CCDC157: variants seen among roughly 807,000 people sequenced by gnomAD.
CCDC157 encodes the protein coiled-coil domain containing 157, also known as coiled-coil domain-containing protein 157.
CCDC157 carries 60 observed loss-of-function variants against 70.9 expected under a neutral mutation model. The ratio of observed to expected loss-of-function variants is 0.85; its 90% confidence interval spans 0.69 to 1.05. The LOEUF (loss-of-function observed/expected upper bound fraction) is 1.05. Among genes scored for constraint, CCDC157 ranks in the 50% least tolerant of loss-of-function variants. The pLI, the probability that CCDC157 is intolerant of heterozygous loss-of-function variation, is 0.00. For missense variants in CCDC157, 943 were observed against 984.2 expected (o/e 0.96, Z 0.56); for synonymous variants, 373 against 422.4 (o/e 0.88, Z 1.43).
intron 2 of CCDC157, among the ~76,000 whole-genome samples, chr22:30,364,676 A>G (rs1255548356): frequency 6.6e-6 from 1 of 150,616 alleles, no homozygotes; most frequent in Non-Finnish European, 1.5e-5. Flanking sequence ...GGTGGCGGGC[A>G]CCTGTAATCC....
Position 30,372,245 on chromosome 22 carries a change from AAGG to A in CCDC157, c.1297_1299del (p.Glu433del), listed in dbSNP as rs199913583. ...CTGCTGGGCCAGCACGGAGCTGGAT[AAGG>A]AGAAGGCCCGTGTCGACAGCATGGT... is the stretch of plus-strand genomic sequence containing the variant. On this transcript the variant is annotated inframe_deletion, in exon 7 of 12. Coordinates refer to ENST00000338306, the MANE Select transcript of CCDC157 (RefSeq NM_001017437.5). The A allele has an allele frequency of 2.2e-3, 3,596 of 1,598,668 alleles. 96 individuals carry two copies. In the African/African-American group the frequency reaches 0.044, roughly 20 times the overall value.
At chr22:30,364,588 C>T (rs1260560993) in intron 2 of CCDC157, among the ~76,000 whole-genome samples, 1 of 152,102 alleles carries the variant, frequency 6.6e-6, no homozygotes, top group Non-Finnish European at 1.5e-5. Context: ...GTGGATGGAT[C>T]ACTTGAGGTC....
Position 30,374,083 on chromosome 22 carries a change from A to G in CCDC157, c.1664A>G (p.Gln555Arg), listed in dbSNP as rs753090543. The G allele has an allele frequency of 3.1e-6, 5 of 1,596,684 alleles. No individual in the cohort carries two copies. The African/African-American group carries it at 5.4e-5, about 17-fold the overall frequency. Residue 555 changes from glutamine to arginine, a missense_variant, in exon 9 of 12, where the codon CAG becomes CGG. Coordinates refer to ENST00000338306, the MANE Select transcript of CCDC157 (RefSeq NM_001017437.5). ...FPDLHRPTETQIHGGRSSSVE... is the reference protein window; with the variant it reads ...FPDLHRPTETRIHGGRSSSVE... Reference sequence around the variant, plus strand: ...GACCTGCACAGGCCCACCGAGACCCAGATCCATGGTAGGGGACTGGGGATG... The same window carrying G: ...GACCTGCACAGGCCCACCGAGACCCGGATCCATGGTAGGGGACTGGGGATG...
rs1325696841 is a variant in CCDC157 at position 30,376,434 on chromosome 22, C to T, written c.1948C>T (p.Pro650Ser). The T allele has an allele frequency of 9.3e-6, 15 of 1,613,896 alleles. No individual in the cohort carries two copies. Among genetic ancestry groups the T allele is most frequent in the Non-Finnish European group, 1.3e-5 (15 of 1,179,944 alleles). The change falls in exon 12 of 12, where the codon CCT (proline) becomes TCT (serine). Residue 650 changes from proline to serine, a missense_variant and splice_region_variant. By Grantham distance (74) the Pro-to-Ser change is moderately conservative. Coordinates refer to ENST00000338306, the MANE Select transcript of CCDC157 (RefSeq NM_001017437.5). ...PVQAKSTSPG[P>S]LGRQHLPSSR... ...ATCTTGGATCTGGTTTTCCTTCAGGCCTCTGGGCAGACAGCACCTTCCTAG... is the reference window on the plus strand; with the variant it reads ...ATCTTGGATCTGGTTTTCCTTCAGGTCTCTGGGCAGACAGCACCTTCCTAG...
At position 30,376,239 on chromosome 22, in the gene CCDC157, CT is replaced by C. The variant is rs35246021; in HGVS notation, c.1858-5del. The C allele has an allele frequency of 0.15, 192,501 of 1,300,140 alleles. No individual in the cohort carries two copies. The highest frequency in any genetic ancestry group is 0.22 in the South Asian group (15,075 of 68,488). The allele number at this position is 1,300,140 out of a possible 1,614,324, so 80.5% of individuals were successfully genotyped here. A position where few individuals can be genotyped will look rare whatever the true frequency, so the allele number is the denominator to read the frequency against. Reference sequence around the variant, plus strand: ...GACTCCTGGGCCCTTATAAGACTGGCTTTTTTTTTTTTTTTGTAGCTGATCC... The same window carrying C: ...GACTCCTGGGCCCTTATAAGACTGGCTTTTTTTTTTTTTTGTAGCTGATCC... On this transcript the variant is annotated intron_variant, in intron 10 of 11. Coordinates refer to ENST00000338306, the MANE Select transcript of CCDC157 (RefSeq NM_001017437.5).
rs147562085 is a variant in CCDC157, at chr22:30,366,223, G to A, written c.223G>A (p.Val75Met). The A allele has an allele frequency of 1.3e-4, 205 of 1,613,684 alleles. No individual in the cohort carries two copies. The highest frequency in any genetic ancestry group is 1.2e-3 in the South Asian group (111 of 91,086). Residue 75 changes from valine (V) to methionine (M), a missense_variant, in exon 3 of 12, where the codon GTG becomes ATG. Physicochemically the swap from Val to Met is conservative, Grantham distance 21 (BLOSUM62 1). Transcript: ENST00000338306. ...DPEFTQLSHA[V>M]LLELVIDRLL... is the part of the protein sequence containing the mutation. ...CGAGTTCACGCAGCTGTCCCATGCCGTGCTGCTGGAGCTGGTCATCGACAG... is the reference window on the plus strand; with the variant it reads ...CGAGTTCACGCAGCTGTCCCATGCCATGCTGCTGGAGCTGGTCATCGACAG...
At chr22:30,375,363 C>G in intron 9 of CCDC157, 116 bp from the exon 10 acceptor site, 1 of 929,516 alleles carries the variant, frequency 1.1e-6, no homozygotes, top group Non-Finnish European at 1.7e-6. Context: ...AATAAGGCCT[C>G]GGGAGAAGGA....
chr22:30,365,426 A>G (rs2145884456), intron 2 of CCDC157, among the ~76,000 whole-genome samples: 1 of 152,220 alleles, frequency 6.6e-6, no homozygotes, highest in South Asian at 2.1e-4. Context: ...TTTCTTCCAC[A>G]GGCCACAGGG....
chr22:30,376,580 T>TCGGCAGCC lies in CCDC157; in HGVS notation c.2096_2103dup (p.Cys702GlyfsTer15), dbSNP rs1165972075. 1 of 1,610,794 alleles carries TCGGCAGCC rather than the reference T, an allele frequency of 6.2e-7. No individual in the cohort carries two copies. Among genetic ancestry groups the TCGGCAGCC allele is most frequent in the African/African-American group, 1.4e-5 (1 of 73,528 alleles). On this transcript the variant is annotated frameshift_variant, in exon 12 of 12. Transcript: ENST00000338306. LOFTEE classifies it low-confidence loss of function (END_TRUNC). ...CTCGGCAGCCCTGCACATCCCCATCTCGGCAGCCCTGCAGCCAGCCCAGCA... is the reference window on the plus strand; with the variant it reads ...CTCGGCAGCCCTGCACATCCCCATCTCGGCAGCCCGGCAGCCCTGCAGCCAGCCCAGCA...
rs1274228896 is a variant in CCDC157, at chr22:30,377,243, CAA to C, written c.*499_*500del. ...ACCTGCGCTGGGCACATTAAGGACC[CAA>C]GAGGTCAGGCCTCCTTTCACTGAGG... On this transcript the variant is annotated 3_prime_UTR_variant, in exon 12 of 12. Coordinates refer to ENST00000338306, the MANE Select transcript of CCDC157 (RefSeq NM_001017437.5). 1 of 163,808 alleles carries C rather than the reference CAA, an allele frequency of 6.1e-6. No homozygotes were observed. Among genetic ancestry groups the C allele is most frequent in the Non-Finnish European group, 1.3e-5 (1 of 74,204 alleles). 10.1% of individuals were successfully genotyped at this position (163,808 alleles called of 1,614,324 possible).
chr22:30,365,876 G>A (rs534923979), intron 2 of CCDC157, 114 bp from the exon 3 acceptor site: 4 of 1,042,298 alleles, frequency 3.8e-6, no homozygotes, highest in East Asian at 2.6e-5. Flanking sequence ...TCTCCCCAGG[G>A]TCTGGGGTGA....
At chr22:30,360,008 G>C (rs577098562) in intron 1 of CCDC157, among the ~76,000 whole-genome samples, 1 of 152,150 alleles carries the variant, frequency 6.6e-6, no homozygotes, top group Non-Finnish European at 1.5e-5. Context: ...AGCCAGGTGC[G>C]GTGGCACCCA....
intron 9 of CCDC157, chr22:30,375,069 C>G: frequency 3.3e-6 from 1 of 305,990 alleles, no homozygotes; most frequent in Non-Finnish European, 6.3e-6. Flanking sequence ...AGTGATTCTC[C>G]TGCCTCAGCC....
At chr22:30,371,037 C>T in intron 5 of CCDC157, 87 bp downstream of exon 5, 1 of 1,463,848 alleles carries the variant, frequency 6.8e-7, no homozygotes, top group Non-Finnish European at 9.1e-7. Flanking sequence ...GCTTCCAGGG[C>T]AAGTGGTTTG....
chr22:30,357,668 ATTTT>A (rs71198545), intron 1 of CCDC157, among the ~76,000 whole-genome samples: 38 of 131,370 alleles, frequency 2.9e-4, no homozygotes, highest in African/African-American at 9.8e-4. Flanking sequence ...CACCCGGCTA[ATTTT>A]TTTTTTTTTT....
At position 30,376,736 on chromosome 22, in the gene CCDC157, G is replaced by A. The variant is rs1601753595; in HGVS notation, c.2250G>A (p.Arg750=). Residue 750 remains arginine (R), a synonymous_variant, in exon 12 of 12, where the codon CGG becomes CGA. Transcript: ENST00000338306. Reference sequence around the variant, plus strand: ...GCTCTGCACACCAGCCCCAGGAGCGGCCCATGTAGCCTGTGGCCCAGGGCT... The same window carrying A: ...GCTCTGCACACCAGCCCCAGGAGCGACCCATGTAGCCTGTGGCCCAGGGCT... ...QASSAHQPQE[R]PM The A allele has an allele frequency of 6.2e-7, 1 of 1,610,652 alleles. No homozygotes were observed. The highest frequency in any genetic ancestry group is 2.2e-5 in the East Asian group (1 of 44,810).
At position 30,375,365 on chromosome 22, in the gene CCDC157, G is replaced by A. The variant is rs949417320; in HGVS notation, c.1673-114G>A. On this transcript the variant is annotated intron_variant, in intron 9 of 11. Coordinates refer to ENST00000338306, the MANE Select transcript of CCDC157 (RefSeq NM_001017437.5). ...ACAGGGAAGGGGGAATAAGGCCTCG[G>A]GAGAAGGAAGATGAGCTAGGAGGCC... The A allele has an allele frequency of 5.3e-6, 5 of 948,940 alleles. No individual in the cohort carries two copies. The Admixed American group carries it at 6.7e-5, about 13-fold the overall frequency. The allele number at this position is 948,940 out of a possible 1,614,324, so 58.8% of individuals were successfully genotyped here.
rs531112809 is a variant in CCDC157, at chr22:30,378,144, TTCAAG to T, written c.*1404_*1408del. The stretch of plus-strand genomic sequence containing the variant: ...TCCTTGCCATGGGGCTCCCTCCATC[TTCAAG>T]TCAACAACAGAGGATTTCTCATGTG... On this transcript the variant is annotated 3_prime_UTR_variant, in exon 12 of 12. Transcript: ENST00000338306. The T allele has an allele frequency of 3.6e-5, 17 of 470,966 alleles. No individual in the cohort carries two copies. Among genetic ancestry groups the T allele is most frequent in the Non-Finnish European group, 7.0e-5 (16 of 227,030 alleles). The allele number at this position is 470,966 out of a possible 1,614,324, so 29.2% of individuals were successfully genotyped here.
intron 5 of CCDC157, 153 bp downstream of exon 5, chr22:30,371,103 G>A: frequency 1.1e-6 from 1 of 908,016 alleles, no homozygotes; most frequent in Non-Finnish European, 1.6e-6. Context: ...AGGGCAGCAA[G>A]GAAGGGGGTG....
Sources: allele counts gnomAD v4.1 joint callset (sites outside exome capture counted in the v4.1 genomes callset), GRCh38; gene constraint gnomAD v4.1.1; transcripts MANE v1.5; gene names NCBI Gene and HGNC (gene_info 2026-07-23, HGNC 2026-07-21).